Variants in DLEC1 observed in about 807,000 individuals in gnomAD.
The protein encoded by DLEC1 is deleted in lung and esophageal cancer protein 1.
DLEC1 carries 146 observed loss-of-function variants against 198.1 expected under a neutral mutation model. The ratio of observed to expected loss-of-function variants is 0.74; its 90% CI spans 0.64 to 0.85. DLEC1 has a LOEUF of 0.85. Ranked by LOEUF, DLEC1 falls within the 40% of genes least tolerant of loss-of-function variation. The probability of loss-of-function intolerance (pLI) is 0.00; values close to 1 mark genes in which losing one functional copy is unlikely to be tolerated. For synonymous variants in DLEC1, 897 were observed against 866.8 expected (o/e 1.03, Z -0.61); for missense variants, 2,233 against 2,220.0 (o/e 1.01, Z -0.12).
chr3:38,117,648 C>T (rs770124130), intron 32 of DLEC1, 37 bp downstream of exon 32: 15 of 1,613,406 alleles, frequency 9.3e-6, no homozygotes, highest in Non-Finnish European at 1.1e-5. Flanking sequence ...TGCCAGCTTA[C>T]CTGGACCTCA....
chr3:38,053,135 C>G (rs930856752), intron 2 of DLEC1, among the ~76,000 whole-genome samples: 6 of 152,222 alleles, frequency 3.9e-5, no homozygotes, highest in Non-Finnish European at 7.3e-5. Context: ...GATCTCGGCT[C>G]GCTACAACCT....
chr3:38,072,215 G>A (rs760345721), intron 6 of DLEC1, among the ~76,000 whole-genome samples: 3 of 152,194 alleles, frequency 2.0e-5, no homozygotes, highest in Admixed American at 2.0e-4. Context: ...GAGATTCAAC[G>A]AAGAGTGAGT....
chr3:38,104,997 A>C (rs1699496361), intron 19 of DLEC1, among the ~76,000 whole-genome samples: 1 of 152,040 alleles, frequency 6.6e-6, no homozygotes, highest in African/African-American at 2.4e-5. Context: ...TTCATATATC[A>C]TGTTTTCATT....
chr3:38,086,844 G>A (rs1054545873), intron 9 of DLEC1, among the ~76,000 whole-genome samples: 1 of 152,096 alleles, frequency 6.6e-6, no homozygotes, highest in Non-Finnish European at 1.5e-5. Context: ...GGAGGCTGAG[G>A]CAGGCAGATT....
At position 38,123,325 on chromosome 3, in the gene DLEC1, C is replaced by T. The variant is rs576717732; in HGVS notation, c.*913C>T. On this transcript the variant is annotated 3_prime_UTR_variant, in exon 37 of 37. Transcript: ENST00000308059. ...AGGCTAGTATCCCTTTCAAGGCTGG[C>T]CCTTAAGGAAAACAGGGATCATGCC... The T allele has an allele frequency of 2.9e-4, 166 of 580,504 alleles. 2 individuals are homozygous for T. The African/African-American group carries it at 2.9e-3, about 10-fold the overall frequency. 36.0% of individuals were successfully genotyped at this position (580,504 alleles called of 1,614,324 possible). A position where few individuals can be genotyped will look rare whatever the true frequency, so the allele number is the denominator to read the frequency against.
chr3:38,090,237 C>T (rs979553991), intron 10 of DLEC1, among the ~76,000 whole-genome samples: 6 of 152,174 alleles, frequency 3.9e-5, no homozygotes, highest in African/African-American at 1.4e-4. Context: ...AAGATGTAAA[C>T]AGGTAAACAG....
At chr3:38,061,171 G>T (rs9827494) in intron 3 of DLEC1, among the ~76,000 whole-genome samples, 1,956 of 151,668 alleles carry the variant, frequency 0.013, 38 homozygotes, top group African/African-American at 0.044. Flanking sequence ...TTTCTTGTTT[G>T]TTTGTTTGTT....
Position 38,123,135 on chromosome 3 carries a change from A to AACTT in DLEC1, c.*725_*728dup. ...CACTCCGTATGCCCTGTGAAAACAA[A>AACTT]ACTTAATTGGCTGGGCAAAGGCACC... On this transcript the variant is annotated 3_prime_UTR_variant, in exon 37 of 37. Coordinates refer to ENST00000308059, the MANE Select transcript of DLEC1 (RefSeq NM_007335.4). The AACTT allele has an allele frequency of 1.2e-6, 2 of 1,613,894 alleles. No individual in the cohort carries two copies. Among genetic ancestry groups the AACTT allele is most frequent in the Non-Finnish European group, 8.5e-7 (1 of 1,179,948 alleles).
At chr3:38,108,327 AGTGCTG>A in intron 20 of DLEC1, 72 bp from the exon 21 acceptor site, 2 of 1,190,918 alleles carry the variant, frequency 1.7e-6, no homozygotes, top group Non-Finnish European at 1.2e-6. Flanking sequence ...TGCATGCAGC[AGTGCTG>A]AGCACTCTCT....
At chr3:38,083,174 G>A (rs9860149) in intron 6 of DLEC1, among the ~76,000 whole-genome samples, 62,662 of 149,834 alleles carry the variant, frequency 0.42, 13,701 homozygotes, top group East Asian at 0.57. Flanking sequence ...GTCGTAGGTG[G>A]TTTCATGTGC....
chr3:38,045,051 G>T (rs1287420318), intron 1 of DLEC1, among the ~76,000 whole-genome samples: 1 of 152,186 alleles, frequency 6.6e-6, no homozygotes, highest in Non-Finnish European at 1.5e-5. Flanking sequence ...TTCTCTCTTT[G>T]GGTCAAAATG....
chr3:38,092,919 G>A, intron 11 of DLEC1, 39 bp downstream of exon 11: 1 of 1,595,580 alleles, frequency 6.3e-7, no homozygotes, highest in Non-Finnish European at 8.6e-7. Flanking sequence ...GGCTGGAGAG[G>A]CTGCCCCAGC....
At chr3:38,101,611 T>C (rs1457522509) in intron 19 of DLEC1, among the ~76,000 whole-genome samples, 1 of 152,200 alleles carries the variant, frequency 6.6e-6, no homozygotes, top group Non-Finnish European at 1.5e-5. Flanking sequence ...CTGTGGATGC[T>C]CTTGAATTAT....
chr3:38,118,128 C>A, intron 33 of DLEC1, 104 bp downstream of exon 33: 1 of 1,297,106 alleles, frequency 7.7e-7, no homozygotes, highest in Non-Finnish European at 1.1e-6. Flanking sequence ...CAGACGCAAA[C>A]TGCATGCCTG....
intron 6 of DLEC1, among the ~76,000 whole-genome samples, chr3:38,072,598 G>T (rs1283730422): frequency 1.3e-5 from 2 of 152,158 alleles, no homozygotes; most frequent in Admixed American, 1.3e-4. Context: ...AAGGATTTAG[G>T]ATCTATGGGG....
intron 27 of DLEC1, among the ~76,000 whole-genome samples, chr3:38,116,207 T>C (rs941335216): frequency 6.6e-6 from 1 of 152,136 alleles, no homozygotes; most frequent in African/African-American, 2.4e-5. Flanking sequence ...CATCTGGACA[T>C]GGAGACCTGG....
At chr3:38,056,139 G>A (rs1696360969) in intron 2 of DLEC1, among the ~76,000 whole-genome samples, 1 of 150,100 alleles carries the variant, frequency 6.7e-6, no homozygotes, top group Non-Finnish European at 1.5e-5. Context: ...GTGGTGGCAT[G>A]CGCCTCCCAG....
chr3:38,084,434 AGTG>A (rs1458858662), intron 7 of DLEC1, among the ~76,000 whole-genome samples, 189 bp downstream of exon 7: 596 of 1,976 alleles, frequency 0.3, 100 homozygotes, highest in East Asian at 0.4. Context: ...TAGTAGTAGT[AGTG>A]GTGGTGGTGG....
intron 6 of DLEC1, among the ~76,000 whole-genome samples, chr3:38,070,032 T>C (rs936676932): frequency 2.6e-5 from 4 of 152,204 alleles, no homozygotes; most frequent in African/African-American, 7.2e-5. Flanking sequence ...AATTTATACA[T>C]TGTTTTCTAG....
Sources: allele counts gnomAD v4.1 joint callset (sites outside exome capture counted in the v4.1 genomes callset), GRCh38; gene constraint gnomAD v4.1.1; transcripts MANE v1.5; gene names NCBI Gene and HGNC (gene_info 2026-07-23, HGNC 2026-07-21).